The following HACE1 variants were observed in gnomAD, a reference collection of about 807,000 sequenced individuals.
The protein encoded by HACE1 is E3 ubiquitin-protein ligase HACE1.
In HACE1, 73 loss-of-function variants were observed where a neutral mutation model predicts 118.4. The observed-to-expected ratio is 0.62, with a 90% confidence interval of 0.51 to 0.75. HACE1 has a LOEUF of 0.75. HACE1 is among the 30% of genes least tolerant of loss of function. The probability of loss-of-function intolerance (pLI) is 0.00; values close to 1 mark genes in which losing one functional copy is unlikely to be tolerated. For synonymous variants in HACE1, 368 were observed against 374.8 expected (o/e 0.98, Z 0.21); for missense variants, 749 against 1,102.2 (o/e 0.68, Z 4.54).
At chr6:104,777,525 T>C (rs75949362) in intron 14 of HACE1, among the ~76,000 whole-genome samples, 8,361 of 152,252 alleles carry the variant, frequency 0.055, 272 homozygotes, top group East Asian at 0.13. Context: ...CCTAGAGAAA[T>C]GTATTTTTTT....
At chr6:104,818,442 T>C (rs1338426319) in intron 6 of HACE1, among the ~76,000 whole-genome samples, 1 of 152,124 alleles carries the variant, frequency 6.6e-6, no homozygotes, top group East Asian at 1.9e-4. Context: ...AATTCACAGC[T>C]GAATTCCACC....
chr6:104,831,984 A>AGAAGAGAAGAGAAGAGAAGAG lies in HACE1; in HGVS notation c.534+1057_534+1058insCTCTTCTCTTCTCTTCTCTTC, dbSNP rs201781305. Among the ~76,000 whole-genome samples, 492 of 57,722 alleles carry AGAAGAGAAGAGAAGAGAAGAG rather than the reference A, an allele frequency of 8.5e-3. 3 individuals are homozygous for AGAAGAGAAGAGAAGAGAAGAG. Among genetic ancestry groups the AGAAGAGAAGAGAAGAGAAGAG allele is most frequent in the East Asian group, 0.017 (21 of 1,204 alleles). The allele number at this position is 57,722 out of a possible 152,430, so 37.9% of individuals were successfully genotyped here. On this transcript the variant is annotated intron_variant, in intron 6 of 23. Transcript: ENST00000262903. ...AGAAGAGAAGAGAAGAGAAGAGAGG[A>AGAAGAGAAGAGAAGAGAAGAG]AGGAAGGAAGGAAGGAAGGAAGGAA...
intron 19 of HACE1, among the ~76,000 whole-genome samples, chr6:104,751,220 A>C (rs1429537024): frequency 6.6e-6 from 1 of 152,226 alleles, no homozygotes; most frequent in Non-Finnish European, 1.5e-5. Context: ...ATCTCTCTGC[A>C]GACAGGAACT....
intron 19 of HACE1, among the ~76,000 whole-genome samples, chr6:104,770,869 T>C (rs898709660): frequency 6.6e-6 from 1 of 152,190 alleles, no homozygotes; most frequent in Non-Finnish European, 1.5e-5. Flanking sequence ...TTTAAAAACA[T>C]GAAAGAGCAA....
chr6:104,785,101 A>G lies in HACE1; in HGVS notation c.1293T>C (p.Leu431=). 1 of 1,613,986 alleles carries G rather than the reference A, an allele frequency of 6.2e-7. No homozygotes were observed. ...CTGCACTGGCTTCCTGTCTCCCTGC[A>G]AGAGCATCTGGTTTAGATTCCCTTG... ...TGTRESKPDA[L]AGRQEASADC... Residue 431 remains leucine (L), a synonymous_variant, in exon 12 of 24, where the codon CTT becomes CTC. Coordinates refer to ENST00000262903, the MANE Select transcript of HACE1 (RefSeq NM_020771.4).
intron 19 of HACE1, among the ~76,000 whole-genome samples, chr6:104,759,670 G>A (rs1779115675): frequency 6.6e-6 from 1 of 152,022 alleles, no homozygotes; most frequent in Non-Finnish European, 1.5e-5. Flanking sequence ...AAATTCAAAA[G>A]CTAGCAGAAT....
intron 19 of HACE1, among the ~76,000 whole-genome samples, chr6:104,770,097 T>C (rs1331350796): frequency 1.3e-5 from 2 of 152,162 alleles, no homozygotes; most frequent in African/African-American, 4.8e-5. Context: ...CTTTTTAAAA[T>C]AATCCACATT....
chr6:104,801,566 A>G (rs971466734), intron 7 of HACE1, among the ~76,000 whole-genome samples: 1 of 152,230 alleles, frequency 6.6e-6, no homozygotes, highest in Admixed American at 6.5e-5. Flanking sequence ...AATATTTGAC[A>G]TTCTTAAAGA....
At chr6:104,814,681 T>C (rs1771935491) in intron 6 of HACE1, among the ~76,000 whole-genome samples, 1 of 137,138 alleles carries the variant, frequency 7.3e-6, no homozygotes, top group Non-Finnish European at 1.6e-5. Flanking sequence ...CAAAATCTCC[T>C]GTTGAATTGG....
rs759485076 is a variant in HACE1, at chr6:104,811,358, A to C, written c.570T>G (p.Ile190Met). 1.3e-6 allele frequency: 2 copies of C among 1,552,004 alleles called. No homozygotes were observed. Among genetic ancestry groups the C allele is most frequent in the Non-Finnish European group, 1.8e-6 (2 of 1,125,812 alleles). Residue 190 changes from isoleucine (I) to methionine (M), a missense_variant, in exon 7 of 24, where the codon ATT becomes ATG. This residue lies in a region of HACE1 where 267 missense variants were observed against 312.2 expected (regional missense o/e 0.86). Coordinates refer to ENST00000262903, the MANE Select transcript of HACE1 (RefSeq NM_020771.4). ...VQCLLDSGAD[I>M]NRPNVSGATP... ...TTGCTCCTGATACATTTGGCCTGTT[A>C]ATATCAGCACCACTGTCTAGCAAGC...
At chr6:104,859,527 C>A in intron 1 of HACE1, 40 bp downstream of exon 1, 1 of 1,455,404 alleles carries the variant, frequency 6.9e-7, no homozygotes, top group Non-Finnish European at 9.2e-7. Context: ...ACTGGCCGCC[C>A]CCAGCCCCGC....
At chr6:104,841,934 C>A (rs899240772) in intron 5 of HACE1, among the ~76,000 whole-genome samples, 1 of 152,152 alleles carries the variant, frequency 6.6e-6, no homozygotes, top group African/African-American at 2.4e-5. Context: ...TCCCATACCA[C>A]CTCCATGTGA....
intron 3 of HACE1, among the ~76,000 whole-genome samples, chr6:104,849,478 C>A (rs749864291): frequency 2.0e-5 from 3 of 150,198 alleles, no homozygotes. Context: ...CTGGGACTTA[C>A]AGGCATGAGC....
chr6:104,737,928 GTCTC>G (rs1475939010), intron 22 of HACE1, among the ~76,000 whole-genome samples: 6 of 152,206 alleles, frequency 3.9e-5, no homozygotes, highest in African/African-American at 1.4e-4. Context: ...AAATGTCCCT[GTCTC>G]ACAGCTTTGA....
At chr6:104,760,264 A>G (rs538398131) in intron 19 of HACE1, among the ~76,000 whole-genome samples, 11 of 152,354 alleles carry the variant, frequency 7.2e-5, no homozygotes, top group Admixed American at 2.6e-4. Flanking sequence ...ATTTTAGACC[A>G]ATATCCCTGA....
At position 104,785,249 on chromosome 6, in the gene HACE1, T is replaced by C. The variant is rs748683111; in HGVS notation, c.1145A>G (p.Lys382Arg). 4.8e-5 allele frequency: 77 copies of C among 1,613,104 alleles called. 3 individuals are homozygous for C. In the South Asian group the frequency reaches 8.1e-4, roughly 17 times the overall value. ...AGAAGTGATCTCTGTTGAGTCTCTT[T>C]TGTTTTTCATCAATTCTGTGGCTAT... ...VLIATELMKN[K>R]RDSTEITSIL... Residue 382 changes from lysine to arginine, a missense_variant, in exon 12 of 24, where the codon AAA becomes AGA. Lys to Arg is a conservative substitution (Grantham distance 26). Around this residue, in one of 5 missense-constraint regions of HACE1, gnomAD observed 267 missense variants for 312.2 expected, o/e 0.86. Coordinates refer to ENST00000262903, the MANE Select transcript of HACE1 (RefSeq NM_020771.4).
chr6:104,829,885 A>G (rs1196819042), intron 6 of HACE1, among the ~76,000 whole-genome samples: 1 of 152,202 alleles, frequency 6.6e-6, no homozygotes, highest in African/African-American at 2.4e-5. Flanking sequence ...CACTTGCTTT[A>G]GGTTGTAAAC....
chr6:104,733,785 A>G (rs1775472814), intron 22 of HACE1, among the ~76,000 whole-genome samples: 1 of 151,588 alleles, frequency 6.6e-6, no homozygotes, highest in African/African-American at 2.4e-5. Context: ...AGTTGCAGTG[A>G]GCTGAGATCA....
chr6:104,767,892 CTCTTA>C (rs964041231), intron 19 of HACE1, among the ~76,000 whole-genome samples: 72 of 152,226 alleles, frequency 4.7e-4, no homozygotes, highest in African/African-American at 1.5e-3. Flanking sequence ...CCCCATCTTA[CTCTTA>C]TCTTCTTTTT....
Sources: allele counts gnomAD v4.1 joint callset (sites outside exome capture counted in the v4.1 genomes callset), GRCh38; gene constraint gnomAD v4.1.1; regional missense constraint gnomAD v4.1.1; transcripts MANE v1.5; gene names NCBI Gene and HGNC (gene_info 2026-07-23, HGNC 2026-07-21).